Variants in LYZL4 observed in about 807,000 individuals in gnomAD.
The protein encoded by LYZL4 is lysozyme-like protein 4.
In LYZL4, 13 loss-of-function variants were observed where a neutral mutation model predicts 17.6. The ratio of observed to expected loss-of-function variants is 0.74; its 90% CI spans 0.48 to 1.18. The LOEUF (loss-of-function observed/expected upper bound fraction) is 1.18. LYZL4 is among the 50% of genes most tolerant of loss of function. The pLI, the probability that LYZL4 is intolerant of heterozygous loss-of-function variation, is 0.00. For synonymous variants in LYZL4, 64 were observed against 67.7 expected (o/e 0.95, Z 0.27); for missense variants, 174 against 188.2 (o/e 0.92, Z 0.44).
chr3:42,364,766 G>A, the LYZL4 span, among the ~76,000 whole-genome samples: 21 of 152,134 alleles, frequency 1.4e-4, no homozygotes, highest in African/African-American at 4.6e-4. Flanking sequence ...GAGCCACCAC[G>A]CCCAGCCTCA....
At position 42,407,492 on chromosome 3, in the gene LYZL4, T is replaced by C. The variant is rs552206860; in HGVS notation, c.-92-149A>G. Reference sequence around the variant, plus strand: ...TGAAACTCTGCCCCTTCTCCTCCTCTTGACCTCCTATTTTCTAAGGAAATT... The same window carrying C: ...TGAAACTCTGCCCCTTCTCCTCCTCCTGACCTCCTATTTTCTAAGGAAATT... On this transcript the variant is annotated intron_variant, in intron 1 of 4. Coordinates refer to ENST00000287748, the MANE Select transcript of LYZL4 (RefSeq NM_144634.4). 231 of 548,410 alleles carry C rather than the reference T, an allele frequency of 4.2e-4. 1 individual carries two copies. The East Asian group carries it at 6.6e-3, about 16-fold the overall frequency. 34.0% of individuals were successfully genotyped at this position (548,410 alleles called of 1,614,324 possible).
the LYZL4 span, among the ~76,000 whole-genome samples, chr3:42,367,931 G>A: frequency 1.3e-5 from 2 of 152,184 alleles, no homozygotes; most frequent in African/African-American, 4.8e-5. Flanking sequence ...AGTTAACAGT[G>A]GCTGATATTT....
the LYZL4 span, among the ~76,000 whole-genome samples, chr3:42,367,886 GA>G: frequency 2.0e-5 from 3 of 152,060 alleles, no homozygotes; most frequent in Non-Finnish European, 2.9e-5. Flanking sequence ...AAAGCATAAG[GA>G]AAAAAATAAA....
intron 4 of LYZL4, among the ~76,000 whole-genome samples, chr3:42,402,136 T>TAAAAAAAAA (rs61260579): frequency 8.1e-6 from 1 of 124,094 alleles, no homozygotes; most frequent in African/African-American, 3.1e-5. Flanking sequence ...TTGAGAAGGT[T>TAAAAAAAAA]AAAAAAAAAA....
At chr3:42,400,615 T>C (rs913580001) in intron 4 of LYZL4, among the ~76,000 whole-genome samples, 1 of 152,194 alleles carries the variant, frequency 6.6e-6, no homozygotes, top group African/African-American at 2.4e-5. Context: ...AATAACAGCT[T>C]TGGGGGCATA....
the LYZL4 span, among the ~76,000 whole-genome samples, chr3:42,362,760 T>A: frequency 6.6e-6 from 1 of 152,178 alleles, no homozygotes; most frequent in Non-Finnish European, 1.5e-5. Flanking sequence ...ATTCAGGCCA[T>A]AGCAGATAAT....
At chr3:42,381,627 T>C in the LYZL4 span, among the ~76,000 whole-genome samples, 2 of 152,292 alleles carry the variant, frequency 1.3e-5, no homozygotes, top group African/African-American at 4.8e-5. Flanking sequence ...GGAAAATCTA[T>C]CTGAAATGGC....
downstream of LYZL4, among the ~76,000 whole-genome samples, chr3:42,394,314 A>C (rs1451744095): frequency 1.3e-5 from 2 of 152,226 alleles, no homozygotes; most frequent in Non-Finnish European, 2.9e-5. Context: ...CTAATGGAGT[A>C]GAAAATTAAT....
At chr3:42,409,600 T>C (rs1040410381) in intron 1 of LYZL4, among the ~76,000 whole-genome samples, 3 of 152,206 alleles carry the variant, frequency 2.0e-5, no homozygotes, top group African/African-American at 7.2e-5. Context: ...TTCCAGAACC[T>C]ATTCGCCTCT....
chr3:42,405,623 C>A (rs192757735), intron 3 of LYZL4, among the ~76,000 whole-genome samples: 14 of 152,098 alleles, frequency 9.2e-5, no homozygotes, highest in Non-Finnish European at 1.6e-4. Flanking sequence ...CACCCATCAG[C>A]GTGGAAAGAG....
In LYZL4 at chr3:42,406,453, C is replaced by CAAAA. The variant is rs565639489; in HGVS notation, c.292+389_292+392dup. ...TGGGCGACTCAGTGAGACTCCGTCT[C>CAAAA]AAAAAAAAAAAAAAAAAAAAAAAAA... On this transcript the variant is annotated intron_variant, in intron 3 of 4. Coordinates refer to ENST00000287748, the MANE Select transcript of LYZL4 (RefSeq NM_144634.4). Among the ~76,000 whole-genome samples the CAAAA allele has an allele frequency of 9.1e-3, 755 of 83,174 alleles. 28 individuals carry two copies. Among genetic ancestry groups the CAAAA allele is most frequent in the African/African-American group, 0.027 (636 of 23,682 alleles). 54.6% of individuals were successfully genotyped at this position (83,174 alleles called of 152,430 possible).
the LYZL4 span, among the ~76,000 whole-genome samples, chr3:42,363,403 TA>T: frequency 2.0e-5 from 3 of 152,110 alleles, no homozygotes; most frequent in Admixed American, 1.3e-4. Flanking sequence ...CTGAAATAAT[TA>T]GGGGTGAAGT....
At chr3:42,404,191 G>A in intron 3 of LYZL4, 67 bp from the exon 4 acceptor site, 1 of 1,004,976 alleles carries the variant, frequency 1.0e-6, no homozygotes, top group Non-Finnish European at 1.6e-6. Flanking sequence ...TGATGTCAGG[G>A]AAGGTACAGG....
At chr3:42,374,332 C>T in the LYZL4 span, among the ~76,000 whole-genome samples, 1 of 152,196 alleles carries the variant, frequency 6.6e-6, no homozygotes, top group Admixed American at 6.5e-5. Flanking sequence ...TTAAATTATT[C>T]ACTCCAAGTG....
the LYZL4 span, among the ~76,000 whole-genome samples, chr3:42,369,276 C>T: frequency 0.15 from 23,015 of 152,140 alleles, 4,389 homozygotes; most frequent in African/African-American, 0.44. Context: ...CTGGTCTTGG[C>T]GGCATGGTAG....
downstream of LYZL4, among the ~76,000 whole-genome samples, chr3:42,393,947 A>T (rs933027828): frequency 2.0e-5 from 3 of 152,092 alleles, no homozygotes; most frequent in Non-Finnish European, 4.4e-5. Context: ...ATCCACCACC[A>T]TACCCAGCTA....
the LYZL4 span, among the ~76,000 whole-genome samples, chr3:42,377,912 T>G: frequency 6.6e-6 from 1 of 152,186 alleles, no homozygotes; most frequent in South Asian, 2.1e-4. Context: ...GCCTTTCTGG[T>G]GCACTGACAT....
the LYZL4 span, among the ~76,000 whole-genome samples, chr3:42,370,199 T>C: frequency 6.6e-6 from 1 of 152,180 alleles, no homozygotes; most frequent in African/African-American, 2.4e-5. Context: ...GACTTCAGTA[T>C]ACTGCAATCC....
chr3:42,402,200 G>A (rs1055238134), intron 4 of LYZL4, among the ~76,000 whole-genome samples: 2 of 151,260 alleles, frequency 1.3e-5, no homozygotes, highest in East Asian at 3.9e-4. Context: ...TCACTACTCG[G>A]GAGGCTGAGG....
Sources: allele counts gnomAD v4.1 joint callset (sites outside exome capture counted in the v4.1 genomes callset), GRCh38; gene constraint gnomAD v4.1.1; transcripts MANE v1.5; gene names NCBI Gene and HGNC (gene_info 2026-07-23, HGNC 2026-07-21).